PTTG1IP2: variants seen among roughly 807,000 people sequenced by gnomAD.
The protein encoded by PTTG1IP2 is PTTG1IP family member 2.
intron 1 of PTTG1IP2, among the ~76,000 whole-genome samples, chr7:90,473,455 C>T (rs1336712257): frequency 6.6e-6 from 1 of 152,030 alleles, no homozygotes; most frequent in African/African-American, 2.4e-5. Context: ...GGCTTTGCTC[C>T]CAGAAAAGTA....
chr7:90,486,557 A>C (rs1797877027), intron 2 of PTTG1IP2, among the ~76,000 whole-genome samples: 1 of 150,474 alleles, frequency 6.6e-6, no homozygotes, highest in South Asian at 2.1e-4. Flanking sequence ...AGGGACTTAG[A>C]ATTCCATTTT....
intron 6 of PTTG1IP2, among the ~76,000 whole-genome samples, chr7:90,505,139 A>G (rs1049084444): frequency 3.3e-5 from 5 of 152,202 alleles, no homozygotes; most frequent in South Asian, 2.1e-4. Flanking sequence ...TTATGCACCT[A>G]TTCAATAAGA....
intron 6 of PTTG1IP2, among the ~76,000 whole-genome samples, chr7:90,498,908 G>A (rs17863129): frequency 0.14 from 20,779 of 152,154 alleles, 1,721 homozygotes; most frequent in Middle Eastern, 0.24. Flanking sequence ...CTGGGGTGCA[G>A]TGGCATGATC....
At chr7:90,480,932 G>A (rs1035618747) in intron 2 of PTTG1IP2, among the ~76,000 whole-genome samples, 2 of 152,108 alleles carry the variant, frequency 1.3e-5, no homozygotes, top group African/African-American at 4.8e-5. Flanking sequence ...AAAGGATTTG[G>A]ATTAATTTTG....
intron 6 of PTTG1IP2, among the ~76,000 whole-genome samples, chr7:90,499,826 G>A (rs1490534257): frequency 1.3e-5 from 2 of 152,006 alleles, no homozygotes; most frequent in Non-Finnish European, 2.9e-5. Context: ...CAAGTGATCC[G>A]CATGCCTCAG....
intron 6 of PTTG1IP2, among the ~76,000 whole-genome samples, chr7:90,497,903 G>A (rs1414919078): frequency 1.3e-5 from 2 of 151,574 alleles, no homozygotes; most frequent in African/African-American, 4.9e-5. Context: ...GTTGAGAGTG[G>A]GTTATTGAAG....
At chr7:90,474,860 G>T (rs948164805) in intron 1 of PTTG1IP2, among the ~76,000 whole-genome samples, 1 of 152,120 alleles carries the variant, frequency 6.6e-6, no homozygotes, top group Non-Finnish European at 1.5e-5. Flanking sequence ...ATTTAAGAGA[G>T]GGGAAAAACA....
intron 6 of PTTG1IP2, among the ~76,000 whole-genome samples, chr7:90,511,045 A>C (rs1035556285): frequency 1.3e-5 from 2 of 151,792 alleles, no homozygotes; most frequent in African/African-American, 2.4e-5. Context: ...CATCTCTGTG[A>C]CAATACAAGC....
intron 1 of PTTG1IP2, among the ~76,000 whole-genome samples, chr7:90,475,127 A>G (rs1797732874): frequency 6.6e-6 from 1 of 152,180 alleles, no homozygotes; most frequent in Admixed American, 6.5e-5. Flanking sequence ...GTGCTTATGA[A>G]TGCAGCCAGA....
chr7:90,509,329 G>T (rs2116133067), intron 6 of PTTG1IP2, among the ~76,000 whole-genome samples: 1 of 152,242 alleles, frequency 6.6e-6, no homozygotes, highest in East Asian at 1.9e-4. Context: ...AAACTGGGAA[G>T]AAGTGACAGA....
At chr7:90,506,519 T>C (rs1798126470) in intron 6 of PTTG1IP2, among the ~76,000 whole-genome samples, 1 of 152,196 alleles carries the variant, frequency 6.6e-6, no homozygotes, top group African/African-American at 2.4e-5. Context: ...TCCCAGCACT[T>C]TGGGAGGCCA....
At chr7:90,477,124 C>G (rs1185367599) in intron 1 of PTTG1IP2, among the ~76,000 whole-genome samples, 1 of 151,996 alleles carries the variant, frequency 6.6e-6, no homozygotes, top group Non-Finnish European at 1.5e-5. Flanking sequence ...TCTAAGAGAG[C>G]TAGGAGAAAT....
At chr7:90,500,288 G>T (rs995067820) in intron 6 of PTTG1IP2, among the ~76,000 whole-genome samples, 2 of 152,118 alleles carry the variant, frequency 1.3e-5, no homozygotes, top group Non-Finnish European at 2.9e-5. Flanking sequence ...ATTTTGAAAG[G>T]TTAGAATAAG....
chr7:90,509,377 T>A (rs1032300815), intron 6 of PTTG1IP2, among the ~76,000 whole-genome samples: 1 of 151,942 alleles, frequency 6.6e-6, no homozygotes, highest in Non-Finnish European at 1.5e-5. Context: ...CAAGTCCTGG[T>A]GATCATTTAG....
chr7:90,501,891 T>A (rs1364870684), intron 6 of PTTG1IP2, among the ~76,000 whole-genome samples: 1 of 152,218 alleles, frequency 6.6e-6, no homozygotes, highest in Admixed American at 6.5e-5. Context: ...TGATGCTGTT[T>A]GATAGCATTT....
intron 6 of PTTG1IP2, among the ~76,000 whole-genome samples, chr7:90,496,962 A>G (rs1797998256): frequency 6.6e-6 from 1 of 152,148 alleles, no homozygotes; most frequent in Admixed American, 6.5e-5. Context: ...TGTTCAGAGA[A>G]TGTCGTTTAA....
chr7:90,485,447 C>T (rs1207943021), intron 2 of PTTG1IP2, among the ~76,000 whole-genome samples: 1 of 152,062 alleles, frequency 6.6e-6, no homozygotes, highest in Non-Finnish European at 1.5e-5. Context: ...TTCAAGTTAG[C>T]TATATAATCA....
In PTTG1IP2 at chr7:90,474,074, G is replaced by A. The variant is rs17865281; in HGVS notation, c.145+4143G>A. ...CATCATTGTGTGAATGTCATAGAGT[G>A]TACTTACACAAACCTAGATAGTATA... On this transcript the variant is annotated intron_variant, in intron 1 of 6. Coordinates refer to ENST00000509356, the MANE Select transcript of PTTG1IP2 (RefSeq NM_001365443.2). Among the ~76,000 whole-genome samples the A allele has an allele frequency of 1.4e-4, 22 of 152,244 alleles. No homozygotes were observed. The East Asian group carries it at 4.1e-3, about 28-fold the overall frequency.
chr7:90,512,657 G>A (rs766193872), intron 6 of PTTG1IP2, among the ~76,000 whole-genome samples: 3 of 152,172 alleles, frequency 2.0e-5, no homozygotes, highest in Non-Finnish European at 1.5e-5. Context: ...AGAAATATTT[G>A]GAAGTAGACA....
Sources: allele counts gnomAD v4.1 joint callset (sites outside exome capture counted in the v4.1 genomes callset), GRCh38; gene constraint gnomAD v4.1.1; transcripts MANE v1.5; gene names NCBI Gene and HGNC (gene_info 2026-07-23, HGNC 2026-07-21).